The following FGF2 variants were observed in gnomAD, a reference collection of about 807,000 sequenced individuals.
FGF2 encodes the protein basic fibroblast growth factor bFGF.
In FGF2, 13 loss-of-function variants were observed where a neutral mutation model predicts 15.9. The observed-to-expected ratio is 0.82, with a 90% CI of 0.53 to 1.30. The LOEUF (loss-of-function observed/expected upper bound fraction) is 1.30. Ranked by LOEUF, FGF2 falls within the 50% of genes most tolerant of loss-of-function variation. The pLI is 0.00. For missense variants in FGF2, 163 were observed against 196.9 expected (o/e 0.83, Z 1.03); for synonymous variants, 90 against 78.4 (o/e 1.15, Z -0.78).
chr4:122,846,745 A>G (rs1426789135), intron 1 of FGF2, among the ~76,000 whole-genome samples: 1 of 152,244 alleles, frequency 6.6e-6, no homozygotes, highest in Non-Finnish European at 1.5e-5. Context: ...GTATCCATGT[A>G]TTATTTATGC....
rs1187440065 is a variant in FGF2 at position 122,897,761 on chromosome 4, T to C, written c.*5365T>C. The C allele has an allele frequency of 2.1e-6, 2 of 943,580 alleles. No individual in the cohort carries two copies. Among genetic ancestry groups the C allele is most frequent in the East Asian group, 2.4e-5 (1 of 41,418 alleles). The allele number at this position is 943,580 out of a possible 1,614,324, so 58.5% of individuals were successfully genotyped here. On this transcript the variant is annotated 3_prime_UTR_variant, in exon 3 of 3. Coordinates refer to ENST00000644866, the MANE Select transcript of FGF2 (RefSeq NM_001361665.2). ...TAGATTTCACAAAATCCACCTATAA[T>C]TGGTCAAAGTGGTTGAGAATATATT...
chr4:122,865,574 C>T (rs1726557593), intron 1 of FGF2, among the ~76,000 whole-genome samples: 1 of 152,166 alleles, frequency 6.6e-6, no homozygotes, highest in Non-Finnish European at 1.5e-5. Flanking sequence ...CATGAACCAC[C>T]ACGCCTGGCC....
intron 1 of FGF2, among the ~76,000 whole-genome samples, chr4:122,861,696 A>T (rs561627655): frequency 8.6e-5 from 13 of 152,000 alleles, no homozygotes; most frequent in Non-Finnish European, 1.9e-4. Flanking sequence ...ACTCCTTAAC[A>T]TAGTATTCAG....
At position 122,876,101 on chromosome 4, in the gene FGF2, T is replaced by A. The variant is rs45565540; in HGVS notation, c.179-220T>A. 2.6e-4 allele frequency among the ~76,000 whole-genome samples: 40 copies of A among 152,230 alleles called. No homozygotes were observed. The South Asian group carries it at 6.6e-3, about 25-fold the overall frequency. ...CTGTGACACAGGAGCGACAAGGAACTCACAAGGCACTGGTGCCCTAGTAGT... is the reference window on the plus strand; with the variant it reads ...CTGTGACACAGGAGCGACAAGGAACACACAAGGCACTGGTGCCCTAGTAGT... On this transcript the variant is annotated intron_variant, in intron 1 of 2. Coordinates refer to ENST00000644866, the MANE Select transcript of FGF2 (RefSeq NM_001361665.2).
chr4:122,834,892 C>T (rs1193861297), intron 1 of FGF2, among the ~76,000 whole-genome samples: 3 of 152,140 alleles, frequency 2.0e-5, no homozygotes, highest in East Asian at 1.9e-4. Flanking sequence ...GCCACTAGTG[C>T]ACCAATAGTG....
Position 122,876,356 on chromosome 4 carries a change from G to T in FGF2, c.214G>T (p.Val72Leu). Residue 72 changes from valine to leucine, a missense_variant, in exon 2 of 3, where the codon GTG becomes TTG. Physicochemically the swap from Val to Leu is conservative, Grantham distance 32. Coordinates refer to ENST00000644866, the MANE Select transcript of FGF2 (RefSeq NM_001361665.2). Reference sequence around the variant, plus strand: ...ACTTCAAGCAGAAGAGAGAGGAGTTGTGTCTATCAAAGGAGTGTGTGCTAA... The same window carrying T: ...ACTTCAAGCAGAAGAGAGAGGAGTTTTGTCTATCAAAGGAGTGTGTGCTAA... ...LQLQAEERGV[V>L]SIKGVCANRY... The T allele has an allele frequency of 6.2e-7, 1 of 1,613,442 alleles. No homozygotes were observed. Among genetic ancestry groups the T allele is most frequent in the Non-Finnish European group, 8.5e-7 (1 of 1,179,510 alleles).
chr4:122,881,576 G>C (rs115027488), intron 2 of FGF2, among the ~76,000 whole-genome samples: 1 of 152,196 alleles, frequency 6.6e-6, no homozygotes, highest in South Asian at 2.1e-4. Flanking sequence ...CCTTTGCTCA[G>C]TTCCCAACAA....
At chr4:122,866,685 C>T (rs545079028) in intron 1 of FGF2, among the ~76,000 whole-genome samples, 2 of 152,250 alleles carry the variant, frequency 1.3e-5, no homozygotes, top group Admixed American at 6.5e-5. Flanking sequence ...AAAAACAGAC[C>T]ATAACAAGTG....
Position 122,892,442 on chromosome 4 carries a change from T to C in FGF2, c.*46T>C, listed in dbSNP as rs758996004. 2 of 1,611,280 alleles carry C rather than the reference T, an allele frequency of 1.2e-6. No individual in the cohort carries two copies. Among genetic ancestry groups the C allele is most frequent in the Non-Finnish European group, 1.7e-6 (2 of 1,177,712 alleles). On this transcript the variant is annotated 3_prime_UTR_variant, in exon 3 of 3. Transcript: ENST00000644866. ...CTCATTTCACATGAAAGAAGAAGTA[T>C]ATTTTAGAAATTTGTTAATGAGAGT...
chr4:122,880,501 G>A (rs1221315431), intron 2 of FGF2, among the ~76,000 whole-genome samples: 1 of 152,020 alleles, frequency 6.6e-6, no homozygotes, highest in Non-Finnish European at 1.5e-5. Context: ...TCCCCCCTTG[G>A]CCTCCCAAAG....
intron 1 of FGF2, among the ~76,000 whole-genome samples, chr4:122,837,830 C>T (rs569441388): frequency 3.3e-5 from 5 of 152,038 alleles, no homozygotes; most frequent in African/African-American, 7.2e-5. Flanking sequence ...AGCTTTTCTC[C>T]GAGTCATATT....
chr4:122,861,781 C>T (rs921487132), intron 1 of FGF2, among the ~76,000 whole-genome samples: 1 of 152,222 alleles, frequency 6.6e-6, no homozygotes, highest in Non-Finnish European at 1.5e-5. Flanking sequence ...CCCCTACACT[C>T]CATGCTACCT....
At position 122,827,339 on chromosome 4, in the gene FGF2, G is replaced by A; in HGVS notation, c.165G>A (p.Lys55=). The A allele has an allele frequency of 1.2e-6, 2 of 1,612,980 alleles. No homozygotes were observed. The highest frequency in any genetic ancestry group is 8.5e-7 in the Non-Finnish European group (1 of 1,179,928). ...GCCGAGTTGACGGGGTCCGGGAGAA[G>A]AGCGACCCTCACAGTGAGTGCCGAC... ...PDGRVDGVRE[K]SDPHIKLQLQ... The change falls in exon 1 of 3, where the codon AAG becomes AAA. Residue 55 remains lysine (K), a synonymous_variant. Transcript: ENST00000644866. The surrounding 1 kb of genome is among the most constrained non-coding windows in gnomAD (Gnocchi z 4.2).
chr4:122,879,238 A>G (rs772918288), intron 2 of FGF2, among the ~76,000 whole-genome samples: 1 of 152,212 alleles, frequency 6.6e-6, no homozygotes, highest in Non-Finnish European at 1.5e-5. Flanking sequence ...AGCATTTTAA[A>G]TATCTCCCAT....
rs1727297962 is a variant in FGF2 at position 122,894,706 on chromosome 4, C to T, written c.*2310C>T. On this transcript the variant is annotated 3_prime_UTR_variant, in exon 3 of 3. Transcript: ENST00000644866. The stretch of plus-strand genomic sequence containing the variant: ...AGTCTTAAATTGTATAAAATATCCC[C>T]TAACATGTTTAAATGTCCATTTTTA... The T allele has an allele frequency of 1.3e-5, 2 of 152,056 alleles. No homozygotes were observed. The highest frequency in any genetic ancestry group is 4.8e-5 in the African/African-American group (2 of 41,374). The allele number at this position is 152,056 out of a possible 1,614,324, so 9.4% of individuals were successfully genotyped here.
chr4:122,886,107 G>A (rs7692645), intron 2 of FGF2, among the ~76,000 whole-genome samples: 65,203 of 151,372 alleles, frequency 0.43, 16,875 homozygotes, highest in Non-Finnish European at 0.57. Flanking sequence ...TTTTAGTAGA[G>A]ATGAGGTCTC....
intron 1 of FGF2, among the ~76,000 whole-genome samples, chr4:122,865,269 C>T (rs6813335): frequency 0.45 from 65,768 of 147,488 alleles, 16,825 homozygotes; most frequent in Non-Finnish European, 0.58. Flanking sequence ...TTTATTTTCT[C>T]TGTTTTTTTT....
chr4:122,879,728 C>A (rs915944505), intron 2 of FGF2, among the ~76,000 whole-genome samples: 8 of 152,302 alleles, frequency 5.3e-5, no homozygotes, highest in African/African-American at 1.9e-4. Flanking sequence ...AAGAGCAAGT[C>A]ACATCTTAAA....
intron 2 of FGF2, chr4:122,882,745 G>A (rs1475962303): frequency 6.6e-6 from 1 of 152,150 alleles, no homozygotes; most frequent in African/African-American, 2.4e-5. Flanking sequence ...CCAGTTGTAC[G>A]TTTCAGCTCT....
Sources: allele counts gnomAD v4.1 joint callset (sites outside exome capture counted in the v4.1 genomes callset), GRCh38; gene constraint gnomAD v4.1.1; non-coding constraint Gnocchi (gnomAD v3.1); transcripts MANE v1.5; gene names NCBI Gene and HGNC (gene_info 2026-07-23, HGNC 2026-07-21).